CCDC13: variants seen among roughly 807,000 people sequenced by gnomAD.
CCDC13 encodes coiled-coil domain containing 13, also known as coiled-coil domain-containing protein 13.
In CCDC13, 70 loss-of-function variants were observed where a neutral mutation model predicts 87.3. The observed-to-expected ratio is 0.80, with a 90% CI of 0.66 to 0.98. The LOEUF (loss-of-function observed/expected upper bound fraction) is 0.98, where lower values mean the gene tolerates loss of function less well. Among genes scored for constraint, CCDC13 ranks in the 50% least tolerant of loss-of-function variants. The probability of loss-of-function intolerance (pLI) is 0.00; values close to 1 mark genes in which losing one functional copy is unlikely to be tolerated. For missense variants in CCDC13, 842 were observed against 892.0 expected, an observed-to-expected ratio of 0.94 and a Z score of 0.71; for synonymous variants, 317 against 360.3, an observed-to-expected ratio of 0.88 and a Z score of 1.36.
At chr3:42,762,904 G>A (rs913105948) in intron 1 of CCDC13, among the ~76,000 whole-genome samples, 27 of 152,076 alleles carry the variant, frequency 1.8e-4, no homozygotes, top group Non-Finnish European at 1.2e-4. Flanking sequence ...AGCTGTGATC[G>A]CGCCACTGCA....
intron 13 of CCDC13, among the ~76,000 whole-genome samples, chr3:42,722,833 G>A (rs1301145989): frequency 3.1e-5 from 4 of 131,048 alleles, no homozygotes; most frequent in Admixed American, 9.3e-5. Context: ...GTCTCGCTCA[G>A]TCACCCAGGC....
chr3:42,709,050 T>C lies in CCDC13; in HGVS notation c.2078A>G (p.His693Arg), dbSNP rs751305770. ...ACTTTTCACCTGGCCCAGGATCTCA[T>C]GGTACATCCGGAAGTCCTCCTCCTT... is the stretch of plus-strand genomic sequence containing the variant. ...RGKEEDFRMY[H>R]EILGQVKSVF... The change falls in exon 16 of 16, where the codon CAT becomes CGT. Residue 693 changes from histidine to arginine, a missense_variant. By Grantham distance (29) the His-to-Arg change is conservative. Transcript: ENST00000310232. 6.2e-6 allele frequency: 10 copies of C among 1,613,984 alleles called. No individual in the cohort carries two copies. Among genetic ancestry groups the C allele is most frequent in the South Asian group, 1.1e-5 (1 of 91,074 alleles).
chr3:42,772,320 A>G (rs1434640469), intron 1 of CCDC13, among the ~76,000 whole-genome samples: 1 of 150,742 alleles, frequency 6.6e-6, no homozygotes, highest in Non-Finnish European at 1.5e-5. Context: ...AGTAAAGGCT[A>G]GAGCTGCATG....
At position 42,730,412 on chromosome 3, in the gene CCDC13, C is replaced by G. The variant is rs1185430926; in HGVS notation, c.1718+55G>C. The G allele has an allele frequency of 6.3e-6, 10 of 1,590,112 alleles. No homozygotes were observed. The South Asian group carries it at 1.1e-4, about 18-fold the overall frequency. On this transcript the variant is annotated intron_variant, in intron 13 of 15. Transcript: ENST00000310232. ...ACCCAGTCATAAATGAGGCCTGGCC[C>G]CAGTCCCCACCACATGCAGGCCTAT...
chr3:42,770,408 T>G (rs1700042696), intron 1 of CCDC13, among the ~76,000 whole-genome samples: 1 of 152,210 alleles, frequency 6.6e-6, no homozygotes, highest in South Asian at 2.1e-4. Flanking sequence ...TGTATCTAGT[T>G]GATCTAGTGG....
At chr3:42,709,577 G>C (rs922546537) in intron 15 of CCDC13, 107 bp downstream of exon 15, 10 of 900,576 alleles carry the variant, frequency 1.1e-5, no homozygotes, top group African/African-American at 6.6e-5. Context: ...CAAGCCTTCT[G>C]GGCAAATGAG....
At chr3:42,752,127 G>A (rs1699600054) in intron 4 of CCDC13, 102 bp from the exon 5 acceptor site, 1 of 1,003,852 alleles carries the variant, frequency 1.0e-6, no homozygotes, top group Non-Finnish European at 1.5e-6. Flanking sequence ...TCTTGGTGGT[G>A]TGTCCTTTTA....
In CCDC13 at chr3:42,708,918, G is replaced by A. The variant is rs972013117; in HGVS notation, c.*62C>T. On this transcript the variant is annotated 3_prime_UTR_variant, in exon 16 of 16. Coordinates refer to ENST00000310232, the MANE Select transcript of CCDC13 (RefSeq NM_144719.4). ...CCGGAGCAGATGGAGTCCTCAGACA[G>A]AGTCTTATCCTCTCAAGACCTGAGG... is the stretch of plus-strand genomic sequence containing the variant. 1.3e-6 allele frequency: 2 copies of A among 1,514,462 alleles called. No homozygotes were observed. Among genetic ancestry groups the A allele is most frequent in the African/African-American group, 1.4e-5 (1 of 71,496 alleles). The allele number at this position is 1,514,462 out of a possible 1,614,324, so 93.8% of individuals were successfully genotyped here. A position where few individuals can be genotyped will look rare whatever the true frequency, so the allele number is the denominator to read the frequency against.
chr3:42,733,996 C>G (rs1698916830), intron 10 of CCDC13, among the ~76,000 whole-genome samples: 1 of 152,204 alleles, frequency 6.6e-6, no homozygotes, highest in South Asian at 2.1e-4. Flanking sequence ...CTGCCTTCCT[C>G]AGCTGGAACA....
At chr3:42,757,313 T>G (rs957687968) in intron 2 of CCDC13, 99 bp from the exon 3 acceptor site, 2 of 1,131,840 alleles carry the variant, frequency 1.8e-6, no homozygotes, top group African/African-American at 1.6e-5. Context: ...GACACGCAGA[T>G]GCAGACACAC....
chr3:42,729,961 C>T (rs948178383), intron 13 of CCDC13, among the ~76,000 whole-genome samples: 9 of 152,174 alleles, frequency 5.9e-5, no homozygotes, highest in African/African-American at 1.9e-4. Context: ...TTTATCTGAA[C>T]GGAAGTCTGT....
Position 42,743,075 on chromosome 3 carries a change from C to A in CCDC13, c.826-18G>T. The A allele has an allele frequency of 3.1e-6, 5 of 1,613,292 alleles. No homozygotes were observed. The highest frequency in any genetic ancestry group is 1.1e-5 in the South Asian group (1 of 91,006). ...TCTTGAACCTGAGGATGGTAAAACT[C>A]GTCGTTCCACAATGGGTCTTCTGCC... is the stretch of plus-strand genomic sequence containing the variant. On this transcript the variant is annotated intron_variant, in intron 7 of 15. Transcript: ENST00000310232.
intron 1 of CCDC13, among the ~76,000 whole-genome samples, chr3:42,764,462 CAG>C (rs957649317): frequency 2.6e-5 from 4 of 152,248 alleles, no homozygotes; most frequent in African/African-American, 7.2e-5. Context: ...AGCTGCTATG[CAG>C]AGAGTTCCTT....
intron 13 of CCDC13, chr3:42,719,119 T>C (rs1698498839): frequency 6.6e-6 from 1 of 152,294 alleles, no homozygotes; most frequent in Non-Finnish European, 1.5e-5. Flanking sequence ...GGATGTTAAC[T>C]GCTATTCTCT....
intron 3 of CCDC13, among the ~76,000 whole-genome samples, chr3:42,754,158 T>C (rs563520191): frequency 6.6e-6 from 1 of 152,212 alleles, no homozygotes; most frequent in East Asian, 1.9e-4. Flanking sequence ...ATCATATGCC[T>C]CAGAACAAGA....
chr3:42,733,766 T>C (rs1015351565), intron 10 of CCDC13, 157 bp from the exon 11 acceptor site: 2 of 411,078 alleles, frequency 4.9e-6, no homozygotes, highest in Non-Finnish European at 6.6e-6. Flanking sequence ...AAGGCACTAC[T>C]TGCATGATAA....
rs200926180 is a variant in CCDC13 at position 42,735,779 on chromosome 3, C to T, written c.1299G>A (p.Leu433=). Residue 433 remains leucine, a synonymous_variant, in exon 10 of 16, where the codon CTG becomes CTA. Transcript: ENST00000310232. ...CCTCCCGCTCAGCTACCATGGCCTG[C>T]AGCTGGGCGACTAGGCTGTTGCTCC... ...AQRSNSLVAQ[L]QAMVAEREAK... 1 of 1,614,258 alleles carries T rather than the reference C, an allele frequency of 6.2e-7. No individual in the cohort carries two copies. Among genetic ancestry groups the T allele is most frequent in the Non-Finnish European group, 8.5e-7 (1 of 1,180,042 alleles).
rs1292788305 is a variant in CCDC13 at position 42,742,467 on chromosome 3, G to A, written c.987+429C>T. On this transcript the variant is annotated intron_variant, in intron 8 of 15. Coordinates refer to ENST00000310232, the MANE Select transcript of CCDC13 (RefSeq NM_144719.4). Reference sequence around the variant, plus strand: ...CCCTTTGTTGCTTAAACCTGGTAGAGTTAGAGTTCTGACACTCCCAACGCA... The same window carrying A: ...CCCTTTGTTGCTTAAACCTGGTAGAATTAGAGTTCTGACACTCCCAACGCA... Among the ~76,000 whole-genome samples, 2 of 152,154 alleles carry A rather than the reference G, an allele frequency of 1.3e-5. 1 individual carries two copies. Among genetic ancestry groups the A allele is most frequent in the Non-Finnish European group, 2.9e-5 (2 of 68,036 alleles).
intron 9 of CCDC13, among the ~76,000 whole-genome samples, chr3:42,736,790 G>A (rs1385964078): frequency 6.6e-6 from 1 of 152,024 alleles, no homozygotes; most frequent in Non-Finnish European, 1.5e-5. Flanking sequence ...ACCCGCCCCG[G>A]GCCTGCAGGC....
Sources: allele counts gnomAD v4.1 joint callset (sites outside exome capture counted in the v4.1 genomes callset), GRCh38; gene constraint gnomAD v4.1.1; transcripts MANE v1.5; gene names NCBI Gene and HGNC (gene_info 2026-07-23, HGNC 2026-07-21).